The following GIPC2 variants were observed in gnomAD, a reference collection of about 807,000 sequenced individuals.
GIPC2 encodes PDZ domain-containing protein GIPC2.
A neutral mutation model predicts 30.6 loss-of-function variants in GIPC2; 30 were observed. That is an observed-to-expected ratio of 0.98 (90% confidence interval 0.73 to 1.33). The LOEUF (loss-of-function observed/expected upper bound fraction) is 1.33, where lower values mean the gene tolerates loss of function less well. GIPC2 is among the 40% of genes most tolerant of loss of function. The pLI is 0.00. For missense variants in GIPC2, 414 were observed against 390.3 expected (o/e 1.06, Z -0.51); for synonymous variants, 167 against 150.0 (o/e 1.11, Z -0.83).
intron 5 of GIPC2, among the ~76,000 whole-genome samples, chr1:78,135,317 G>T (rs748633205): frequency 6.6e-6 from 1 of 152,156 alleles, no homozygotes; most frequent in African/African-American, 2.4e-5. Context: ...AATGCCAGAG[G>T]TTCCCAACTG....
intron 5 of GIPC2, among the ~76,000 whole-genome samples, chr1:78,134,783 C>T (rs1181917402): frequency 2.6e-5 from 4 of 152,108 alleles, no homozygotes; most frequent in East Asian, 1.9e-4. Flanking sequence ...GGGGCTTTGG[C>T]GTTTCCCTTT....
chr1:78,062,441 G>T (rs893741207), intron 1 of GIPC2, among the ~76,000 whole-genome samples: 1 of 151,854 alleles, frequency 6.6e-6, no homozygotes, highest in African/African-American at 2.4e-5. Flanking sequence ...TGTAAAAGTG[G>T]GTGGAGGAAG....
At chr1:78,061,226 C>T (rs931046702) in intron 1 of GIPC2, among the ~76,000 whole-genome samples, 1 of 152,336 alleles carries the variant, frequency 6.6e-6, no homozygotes, top group South Asian at 2.1e-4. Context: ...TTCCTTGACA[C>T]TGCTTATTCA....
chr1:78,076,664 A>G (rs181102296), intron 1 of GIPC2, among the ~76,000 whole-genome samples: 33 of 152,298 alleles, frequency 2.2e-4, no homozygotes, highest in African/African-American at 7.7e-4. Flanking sequence ...CTGGTTCCTA[A>G]CAGGCCAAGG....
intron 3 of GIPC2, among the ~76,000 whole-genome samples, chr1:78,110,180 TAAA>T (rs568123003): frequency 7.4e-6 from 1 of 135,260 alleles, no homozygotes; most frequent in Non-Finnish European, 1.6e-5. Context: ...AAACTTAAAG[TAAA>T]AAAAAAAAAA....
chr1:78,062,894 C>T (rs555378154), intron 1 of GIPC2, among the ~76,000 whole-genome samples: 1 of 152,214 alleles, frequency 6.6e-6, no homozygotes, highest in East Asian at 1.9e-4. Context: ...GAAATTATTA[C>T]AATCTATAGA....
At chr1:78,070,592 T>A (rs1661599494) in intron 1 of GIPC2, among the ~76,000 whole-genome samples, 1 of 152,196 alleles carries the variant, frequency 6.6e-6, no homozygotes, top group Non-Finnish European at 1.5e-5. Flanking sequence ...ATTTGTGTAA[T>A]GTCCACAAAG....
chr1:78,046,157 G>A lies in GIPC2; in HGVS notation c.63G>A (p.Glu21=), dbSNP rs770179745. Residue 21 remains glutamate, a synonymous_variant, in exon 1 of 6, where the codon GAG becomes GAA. Transcript: ENST00000370759. ...AKSKETAGLV[E]GEPTGAGGGS... ...CCAAGGAGACCGCCGGGCTGGTGGAGGGCGAGCCGACGGGCGCGGGCGGCG... is the reference window on the plus strand; with the variant it reads ...CCAAGGAGACCGCCGGGCTGGTGGAAGGCGAGCCGACGGGCGCGGGCGGCG... The A allele has an allele frequency of 2.4e-5, 37 of 1,551,794 alleles. No individual in the cohort carries two copies. Among genetic ancestry groups the A allele is most frequent in the Non-Finnish European group, 3.1e-5 (36 of 1,151,200 alleles).
intron 1 of GIPC2, among the ~76,000 whole-genome samples, chr1:78,064,528 T>A (rs913940342): frequency 2.0e-5 from 3 of 152,108 alleles, no homozygotes; most frequent in Non-Finnish European, 4.4e-5. Context: ...GGTTAAGTAA[T>A]TGTCCTACAC....
chr1:78,123,525 C>T (rs1662724891), intron 4 of GIPC2, among the ~76,000 whole-genome samples: 1 of 152,020 alleles, frequency 6.6e-6, no homozygotes, highest in Non-Finnish European at 1.5e-5. Flanking sequence ...GGGAGTAACA[C>T]AATCAGTTTT....
chr1:78,077,352 G>A (rs1313241125), intron 1 of GIPC2, among the ~76,000 whole-genome samples: 3 of 152,076 alleles, frequency 2.0e-5, no homozygotes, highest in Non-Finnish European at 4.4e-5. Context: ...TTTTGTTACT[G>A]TGACTATTAG....
At chr1:78,126,012 G>A in intron 5 of GIPC2, 50 bp downstream of exon 5, 1 of 838,512 alleles carries the variant, frequency 1.2e-6, no homozygotes, top group Non-Finnish European at 2.0e-6. Context: ...TCTGCTTAAT[G>A]TTTATGTCTT....
chr1:78,129,309 T>A (rs1662845152), intron 5 of GIPC2, among the ~76,000 whole-genome samples: 1 of 152,202 alleles, frequency 6.6e-6, no homozygotes, highest in African/African-American at 2.4e-5. Flanking sequence ...CTGATTAGCA[T>A]GAAATATAAA....
Position 78,137,152 on chromosome 1 carries a change from G to A in GIPC2, c.*1409G>A, listed in dbSNP as rs2100464577. On this transcript the variant is annotated 3_prime_UTR_variant, in exon 6 of 6. Coordinates refer to ENST00000370759, the MANE Select transcript of GIPC2 (RefSeq NM_017655.6). Reference sequence around the variant, plus strand: ...TGAAATCTGCACAGAAGCTGTTTTAGTCATTAATGTGTAACAAAAGTAGCT... The same window carrying A: ...TGAAATCTGCACAGAAGCTGTTTTAATCATTAATGTGTAACAAAAGTAGCT... 6.6e-6 allele frequency: 1 copy of A among 152,204 alleles called. No homozygotes were observed. Among genetic ancestry groups the A allele is most frequent in the Admixed American group, 6.5e-5 (1 of 15,286 alleles). 9.4% of individuals were successfully genotyped at this position (152,204 alleles called of 1,614,324 possible). A position where few individuals can be genotyped will look rare whatever the true frequency, so the allele number is the denominator to read the frequency against.
intron 5 of GIPC2, among the ~76,000 whole-genome samples, chr1:78,133,340 G>A (rs1450684000): frequency 1.3e-5 from 2 of 152,146 alleles, no homozygotes; most frequent in Admixed American, 1.3e-4. Flanking sequence ...TGTTTCCTGA[G>A]GACCAGCATC....
At chr1:78,055,090 T>C (rs1390132165) in intron 1 of GIPC2, among the ~76,000 whole-genome samples, 1 of 152,216 alleles carries the variant, frequency 6.6e-6, no homozygotes, top group African/African-American at 2.4e-5. Flanking sequence ...ATTTATTGAC[T>C]GGGAAGTCCT....
intron 3 of GIPC2, among the ~76,000 whole-genome samples, chr1:78,112,124 A>G (rs1448772709): frequency 6.6e-6 from 1 of 152,240 alleles, no homozygotes; most frequent in African/African-American, 2.4e-5. Context: ...GGAAAATTTT[A>G]TCAGGGTCTC....
intron 2 of GIPC2, among the ~76,000 whole-genome samples, chr1:78,093,322 C>T (rs571444772): frequency 2.3e-4 from 35 of 152,032 alleles, no homozygotes; most frequent in Non-Finnish European, 4.6e-4. Context: ...TTTCTGTTAG[C>T]GATATAAGTT....
At chr1:78,057,846 TC>T (rs969328538) in intron 1 of GIPC2, among the ~76,000 whole-genome samples, 8 of 152,216 alleles carry the variant, frequency 5.3e-5, no homozygotes, top group African/African-American at 1.7e-4. Context: ...ATTCTAGTCC[TC>T]CATCCTATGA....
Sources: allele counts gnomAD v4.1 joint callset (sites outside exome capture counted in the v4.1 genomes callset), GRCh38; gene constraint gnomAD v4.1.1; transcripts MANE v1.5; gene names NCBI Gene and HGNC (gene_info 2026-07-23, HGNC 2026-07-21).